Variants in TMEM232 observed in about 807,000 individuals in gnomAD.
The protein encoded by TMEM232 is transmembrane protein 232.
Under a neutral mutation model 78.8 loss-of-function variants are expected in TMEM232, and 80 were observed. The observed-to-expected ratio is 1.01, with a 90% CI of 0.85 to 1.22. The LOEUF is 1.22. TMEM232 is among the 50% of genes most tolerant of loss of function. The pLI, the probability that TMEM232 is intolerant of heterozygous loss-of-function variation, is 0.00. For synonymous variants in TMEM232, 297 were observed against 254.3 expected (o/e 1.17, Z -1.60); for missense variants, 881 against 742.2 (o/e 1.19, Z -2.17).
chr5:110,728,714 C>CTATA (rs147131343), upstream of TMEM232, among the ~76,000 whole-genome samples: 2 of 149,346 alleles, frequency 1.3e-5, no homozygotes, highest in Admixed American at 6.7e-5. Flanking sequence ...ATATATATAC[C>CTATA]TATATATATA....
chr5:110,434,054 A>G (rs1221595920), intron 12 of TMEM232, among the ~76,000 whole-genome samples: 1 of 150,500 alleles, frequency 6.6e-6, no homozygotes, highest in Non-Finnish European at 1.5e-5. Context: ...AAAAGAAACT[A>G]AAGTCAGAGC....
At chr5:110,645,069 A>G (rs1396376406) in intron 2 of TMEM232, among the ~76,000 whole-genome samples, 2 of 151,676 alleles carry the variant, frequency 1.3e-5, no homozygotes, top group Admixed American at 6.6e-5. Context: ...ATAAAAAAAA[A>G]GATTAGATTA....
intron 1 of TMEM232, among the ~76,000 whole-genome samples, chr5:110,726,108 T>TTACACA (rs1554087762): frequency 6.4e-4 from 93 of 144,638 alleles, no homozygotes; most frequent in Admixed American, 2.3e-3. Flanking sequence ...CCTCTCTCTT[T>TTACACA]CACACACACA....
intron 9 of TMEM232, 54 bp downstream of exon 9, chr5:110,606,110 A>C: frequency 6.8e-7 from 1 of 1,476,658 alleles, no homozygotes; most frequent in East Asian, 2.5e-5. Context: ...TAGTGGCAAA[A>C]ATAAAATCTG....
intron 3 of TMEM232, 31 bp from the exon 4 acceptor site, chr5:110,641,027 C>G (rs1200376700): frequency 7.5e-7 from 1 of 1,327,172 alleles, no homozygotes; most frequent in Non-Finnish European, 1.0e-6. Context: ...AAAGACAAAT[C>G]AAAATGTACA....
intron 12 of TMEM232, among the ~76,000 whole-genome samples, chr5:110,433,768 T>C (rs1259594797): frequency 6.6e-6 from 1 of 151,996 alleles, no homozygotes. Flanking sequence ...ATTCTCTTTA[T>C]GGATGAATCA....
intron 3 of TMEM232, among the ~76,000 whole-genome samples, chr5:110,393,323 T>A (rs1033662439): frequency 7.9e-5 from 12 of 152,222 alleles, no homozygotes; most frequent in African/African-American, 1.9e-4. Flanking sequence ...TTTTATGTAT[T>A]TTGTAATTTT....
At position 110,518,476 on chromosome 5, in the gene TMEM232, G is replaced by A. The variant is rs895325852; in HGVS notation, c.1703+10112C>T. On this transcript the variant is annotated intron_variant, in intron 12 of 13. Coordinates refer to ENST00000455884, the MANE Select transcript of TMEM232 (RefSeq NM_001039763.4). ...CTGACATTTTCATTGTATCTTGATT[G>A]TGTTACAATTTAACAAAAATGTATG... Among the ~76,000 whole-genome samples, 4 of 151,982 alleles carry A rather than the reference G, an allele frequency of 2.6e-5. No individual in the cohort carries two copies. In the South Asian group the frequency reaches 8.3e-4, roughly 32 times the overall value.
upstream of TMEM232, chr5:110,738,637 G>A (rs1180070452): frequency 9.8e-6 from 2 of 203,054 alleles, no homozygotes; most frequent in Non-Finnish European, 2.0e-5. Flanking sequence ...AGCTTCCTCG[G>A]AGCAGGCGAG....
At chr5:110,553,348 C>A (rs1331031909) in intron 11 of TMEM232, among the ~76,000 whole-genome samples, 2 of 152,058 alleles carry the variant, frequency 1.3e-5, no homozygotes, top group Non-Finnish European at 2.9e-5. Flanking sequence ...ATTATTGATT[C>A]ATTGTATCCA....
At chr5:110,595,425 T>A (rs1162584947) in intron 10 of TMEM232, among the ~76,000 whole-genome samples, 2 of 152,096 alleles carry the variant, frequency 1.3e-5, no homozygotes, top group African/African-American at 4.8e-5. Flanking sequence ...AAGAAAGAGT[T>A]TGATGAGTTG....
intron 12 of TMEM232, among the ~76,000 whole-genome samples, chr5:110,446,921 G>A (rs767636020): frequency 2.0e-5 from 3 of 151,680 alleles, no homozygotes; most frequent in Non-Finnish European, 2.9e-5. Flanking sequence ...TGTTCTATGT[G>A]GTGATCTTTA....
upstream of TMEM232, among the ~76,000 whole-genome samples, chr5:110,730,597 A>G (rs1798585459): frequency 6.6e-6 from 1 of 152,172 alleles, no homozygotes; most frequent in Admixed American, 6.5e-5. Flanking sequence ...CGGGAGGTGA[A>G]AGGCACTTCT....
At chr5:110,680,691 G>C (rs1020025249) in intron 1 of TMEM232, among the ~76,000 whole-genome samples, 2 of 152,032 alleles carry the variant, frequency 1.3e-5, no homozygotes, top group Admixed American at 6.5e-5. Flanking sequence ...GAGCATGCTA[G>C]ATATGTCTTT....
At chr5:110,556,536 C>A (rs185759560) in intron 11 of TMEM232, among the ~76,000 whole-genome samples, 1 of 152,152 alleles carries the variant, frequency 6.6e-6, no homozygotes, top group East Asian at 1.9e-4. Context: ...CACAGGCATG[C>A]ACCACCACGC....
At chr5:110,513,866 ATTAC>A (rs969853215) in intron 12 of TMEM232, 1 of 169,822 alleles carries the variant, frequency 5.9e-6, no homozygotes, top group Non-Finnish European at 1.5e-5. Context: ...AGTTTTTGCA[ATTAC>A]TTAAAAAAAC....
At chr5:110,480,576 A>C (rs1763751487) in intron 12 of TMEM232, among the ~76,000 whole-genome samples, 1 of 152,054 alleles carries the variant, frequency 6.6e-6, no homozygotes. Flanking sequence ...TTCATGGTGC[A>C]CTTCTTGCAA....
chr5:110,491,333 T>C (rs1013705337), intron 12 of TMEM232, among the ~76,000 whole-genome samples: 2 of 152,060 alleles, frequency 1.3e-5, no homozygotes, highest in African/African-American at 4.8e-5. Context: ...ACTTTTAACA[T>C]GCATGTGGAT....
intron 1 of TMEM232, among the ~76,000 whole-genome samples, chr5:110,722,473 T>C (rs1291111768): frequency 6.6e-6 from 1 of 152,138 alleles, no homozygotes. Context: ...GGGTGGTTTG[T>C]TCACTACACG....
Sources: gnomAD v4.1 joint callset for allele counts (sites outside exome capture counted in the v4.1 genomes callset) on GRCh38, gnomAD v4.1.1 for gene constraint, MANE v1.5 for transcripts, NCBI Gene and HGNC (gene_info 2026-07-23, HGNC 2026-07-21) for gene names.